GRM7: variants seen among roughly 807,000 people sequenced by gnomAD.
GRM7 encodes the protein metabotropic glutamate receptor 7.
In GRM7, 35 loss-of-function variants were observed where a neutral mutation model predicts 84.5. The ratio of observed to expected loss-of-function variants is 0.41; its 90% CI spans 0.32 to 0.55. GRM7 has a LOEUF of 0.55. Among genes scored for constraint, GRM7 ranks in the 20% least tolerant of loss-of-function variants. The probability of loss-of-function intolerance (pLI) is 0.19; values close to 1 mark genes in which losing one functional copy is unlikely to be tolerated. For missense variants in GRM7, 1,003 were observed against 1,194.6 expected, an observed-to-expected ratio of 0.84 and a Z score of 2.36; for synonymous variants, 487 against 455.1, an observed-to-expected ratio of 1.07 and a Z score of -0.89.
At chr3:7,571,828 T>G (rs1694676898) in intron 7 of GRM7, among the ~76,000 whole-genome samples, 1 of 152,136 alleles carries the variant, frequency 6.6e-6, no homozygotes, top group Non-Finnish European at 1.5e-5. Flanking sequence ...AGAAAGAGAT[T>G]TATTGGACTC....
chr3:7,314,448 G>C lies in GRM7; in HGVS notation c.1033+7796G>C, dbSNP rs141041985. 5.2e-3 allele frequency among the ~76,000 whole-genome samples: 796 copies of C among 152,246 alleles called. 10 individuals carry two copies. The highest frequency in any genetic ancestry group is 0.018 in the African/African-American group (762 of 41,540). On this transcript the variant is annotated intron_variant, in intron 4 of 9. Transcript: ENST00000357716. ...TTCATCCAGTTTTCAAGTGTTAACT[G>C]TCTGCTGTTTGTCAGACACTGACTA... is the stretch of plus-strand genomic sequence containing the variant.
intron 7 of GRM7, among the ~76,000 whole-genome samples, chr3:7,543,133 T>A (rs1575474448): frequency 6.6e-6 from 1 of 152,168 alleles, no homozygotes; most frequent in East Asian, 1.9e-4. Context: ...GAAACATACA[T>A]CCCTATTAGG....
chr3:7,424,109 G>A (rs74927843), intron 5 of GRM7, among the ~76,000 whole-genome samples: 76 of 152,140 alleles, frequency 5.0e-4, no homozygotes, highest in African/African-American at 1.6e-3. Flanking sequence ...CATTCCCAAC[G>A]GCCTTTCCCA....
chr3:7,322,535 T>G (rs1700823166), intron 4 of GRM7, among the ~76,000 whole-genome samples: 1 of 151,996 alleles, frequency 6.6e-6, no homozygotes, highest in Admixed American at 6.6e-5. Context: ...TAATGTGTAT[T>G]CTTTTATCCC....
chr3:6,925,244 G>C (rs1455362879), intron 1 of GRM7, among the ~76,000 whole-genome samples: 1 of 152,144 alleles, frequency 6.6e-6, no homozygotes, highest in African/African-American at 2.4e-5. Context: ...TAAGGAGATT[G>C]ATGTCTGCTG....
intron 2 of GRM7, among the ~76,000 whole-genome samples, chr3:7,219,318 G>C (rs1010010830): frequency 2.6e-5 from 4 of 152,096 alleles, no homozygotes; most frequent in African/African-American, 9.7e-5. Context: ...GTTCCCATCA[G>C]AACAGACAGA....
At chr3:7,073,877 T>C (rs1454771908) in intron 1 of GRM7, among the ~76,000 whole-genome samples, 1 of 152,120 alleles carries the variant, frequency 6.6e-6, no homozygotes, top group Non-Finnish European at 1.5e-5. Flanking sequence ...TGGAAACAAA[T>C]GTCATGGAGA....
intron 8 of GRM7, among the ~76,000 whole-genome samples, chr3:7,649,815 G>T (rs1698842168): frequency 1.1e-5 from 1 of 90,488 alleles, no homozygotes; most frequent in Admixed American, 9.9e-5. Context: ...TCTACTGCTG[G>T]CAAAAGAAAA....
At chr3:6,970,040 G>A (rs1207271902) in intron 1 of GRM7, among the ~76,000 whole-genome samples, 1 of 152,142 alleles carries the variant, frequency 6.6e-6, no homozygotes, top group African/African-American at 2.4e-5. Context: ...CACACCACCC[G>A]ACTGCCTGCA....
chr3:7,494,582 A>T (rs546374448), intron 7 of GRM7, among the ~76,000 whole-genome samples: 4 of 152,192 alleles, frequency 2.6e-5, no homozygotes, highest in Non-Finnish European at 5.9e-5. Context: ...TGGGATTCTG[A>T]TAATACAAAT....
rs1249079277 is a variant in GRM7, at chr3:7,710,158, A to G, written c.2698+29863A>G. Among the ~76,000 whole-genome samples the G allele has an allele frequency of 2.0e-5, 3 of 152,278 alleles. No individual in the cohort carries two copies. In the East Asian group the frequency reaches 5.8e-4, roughly 29 times the overall value. On this transcript the variant is annotated intron_variant, in intron 9 of 9. Coordinates refer to ENST00000357716, the MANE Select transcript of GRM7 (RefSeq NM_000844.4). ...CTGTTCTTAATAGTATAAGAATTAT[A>G]CTATTGCTTTCATTTTAACTTGGGT...
In GRM7 at chr3:6,862,042, C is replaced by G. The variant is rs540465218; in HGVS notation, c.519+135C>G. On this transcript the variant is annotated intron_variant, in intron 1 of 9. Transcript: ENST00000357716. The surrounding 1 kb of genome is among the most constrained non-coding windows in gnomAD (Gnocchi z 5.2). ...TCCTCCCTGGAGATCCTGCCGAATC[C>G]CTCCCACCCCGCTCGAGGAGATACC... 2.2e-4 allele frequency: 150 copies of G among 687,268 alleles called. 2 individuals are homozygous for G. The South Asian group carries it at 2.7e-3, about 12-fold the overall frequency. The allele number at this position is 687,268 out of a possible 1,614,324, so 42.6% of individuals were successfully genotyped here.
intron 7 of GRM7, among the ~76,000 whole-genome samples, chr3:7,503,719 T>C (rs993510120): frequency 5.9e-5 from 9 of 152,196 alleles, no homozygotes; most frequent in Admixed American, 1.3e-4. Flanking sequence ...TTTTAAATCC[T>C]CTGAAGTCAA....
In GRM7 at chr3:7,359,250, G is replaced by A. The variant is rs1034291528; in HGVS notation, c.1033+52598G>A. On this transcript the variant is annotated intron_variant, in intron 4 of 9. Coordinates refer to ENST00000357716, the MANE Select transcript of GRM7 (RefSeq NM_000844.4). ...TGTGTGTGTGTGTGTGTGTGTGTGT[G>A]TGTGTTGTGGTTTTATACTCAGGTT... Among the ~76,000 whole-genome samples the A allele has an allele frequency of 2.2e-4, 31 of 143,446 alleles. 1 individual carries two copies. The highest frequency in any genetic ancestry group is 2.0e-3 in the Admixed American group (28 of 14,328). 94.1% of individuals were successfully genotyped at this position (143,446 alleles called of 152,430 possible).
chr3:7,168,830 A>G (rs370909486), intron 2 of GRM7, among the ~76,000 whole-genome samples: 1 of 152,184 alleles, frequency 6.6e-6, no homozygotes, highest in African/African-American at 2.4e-5. Context: ...TTCTCTATGA[A>G]AGGATTTCAT....
At chr3:7,009,354 A>G (rs566963898) in intron 1 of GRM7, among the ~76,000 whole-genome samples, 1 of 152,358 alleles carries the variant, frequency 6.6e-6, no homozygotes, top group African/African-American at 2.4e-5. Context: ...ATTATAATAC[A>G]AGAACTATTC....
chr3:7,574,892 C>A (rs1694884509), intron 7 of GRM7, among the ~76,000 whole-genome samples: 1 of 152,190 alleles, frequency 6.6e-6, no homozygotes, highest in Non-Finnish European at 1.5e-5. Flanking sequence ...CGGGTTACAA[C>A]CCTTTGCTCT....
At chr3:7,314,668 C>G (rs568864526) in intron 4 of GRM7, among the ~76,000 whole-genome samples, 1 of 152,018 alleles carries the variant, frequency 6.6e-6, no homozygotes, top group Non-Finnish European at 1.5e-5. Context: ...TTCCTATTTT[C>G]ACTTAGTTCT....
intron 7 of GRM7, among the ~76,000 whole-genome samples, chr3:7,568,256 C>T (rs1382831260): frequency 6.6e-6 from 1 of 151,720 alleles, no homozygotes; most frequent in Non-Finnish European, 1.5e-5. Context: ...GAATTAAAGA[C>T]AAGATGTATT....
Sources: gnomAD v4.1 joint callset for allele counts (sites outside exome capture counted in the v4.1 genomes callset) on GRCh38, gnomAD v4.1.1 for gene constraint, Gnocchi (gnomAD v3.1) non-coding constraint, MANE v1.5 for transcripts, NCBI Gene and HGNC (gene_info 2026-07-23, HGNC 2026-07-21) for gene names.